RIT2: variants seen among roughly 807,000 people sequenced by gnomAD.
RIT2 encodes the protein GTP-binding protein Rit2.
In RIT2, 24 loss-of-function variants were observed where a neutral mutation model predicts 23.7. That is an observed-to-expected ratio of 1.01 (90% confidence interval 0.73 to 1.43). RIT2 has a LOEUF of 1.43. RIT2 is among the 40% of genes most tolerant of loss of function. RIT2 has a pLI of 0.00. For missense variants in RIT2, 236 were observed against 266.9 expected (o/e 0.88, Z 0.81); for synonymous variants, 107 against 91.1 (o/e 1.17, Z -0.99).
chr18:42,796,314 G>A (rs945182529), intron 4 of RIT2, among the ~76,000 whole-genome samples: 4 of 151,994 alleles, frequency 2.6e-5, no homozygotes, highest in Non-Finnish European at 5.9e-5. Flanking sequence ...CTGAGCCAGC[G>A]AGACCACGAA....
chr18:43,023,489 T>A (rs1161536549), intron 2 of RIT2, among the ~76,000 whole-genome samples: 1 of 152,084 alleles, frequency 6.6e-6, no homozygotes, highest in African/African-American at 2.4e-5. Flanking sequence ...ATCAAAATAT[T>A]CATTTTGTCT....
intron 4 of RIT2, among the ~76,000 whole-genome samples, chr18:42,870,414 T>C (rs1366906831): frequency 6.6e-6 from 1 of 152,106 alleles, no homozygotes; most frequent in Non-Finnish European, 1.5e-5. Flanking sequence ...CTAATTTTTG[T>C]ATTTTTAGTA....
chr18:43,044,327 T>C (rs1464362599), intron 1 of RIT2, among the ~76,000 whole-genome samples: 1 of 152,188 alleles, frequency 6.6e-6, no homozygotes, highest in Non-Finnish European at 1.5e-5. Context: ...ATGAAAGAAG[T>C]TCTCCTCTGT....
chr18:43,011,437 G>T (rs1291249065), intron 2 of RIT2, among the ~76,000 whole-genome samples: 1 of 151,696 alleles, frequency 6.6e-6, no homozygotes, highest in African/African-American at 2.4e-5. Context: ...TGGAGGGGAA[G>T]CTGTGCGATT....
At chr18:43,063,043 A>G (rs941266030) in intron 1 of RIT2, among the ~76,000 whole-genome samples, 5 of 152,118 alleles carry the variant, frequency 3.3e-5, no homozygotes, top group African/African-American at 1.2e-4. Context: ...ATTTTCCTTG[A>G]GGGTTATAAC....
chr18:43,068,086 A>G (rs1912811672), intron 1 of RIT2, among the ~76,000 whole-genome samples: 1 of 152,214 alleles, frequency 6.6e-6, no homozygotes, highest in Non-Finnish European at 1.5e-5. Flanking sequence ...ACCTGGAAAT[A>G]CAATTGTAAG....
chr18:43,029,485 T>C (rs1911805352), intron 2 of RIT2, among the ~76,000 whole-genome samples: 1 of 151,998 alleles, frequency 6.6e-6, no homozygotes, highest in East Asian at 1.9e-4. Context: ...AAACAATGGA[T>C]AGGTCCTTAA....
chr18:43,037,633 AT>A lies in RIT2; in HGVS notation c.104-3767del, dbSNP rs199520669. On this transcript the variant is annotated intron_variant, in intron 1 of 4. Transcript: ENST00000326695. ...TATAATAAATCTTCATCAATTACCT[AT>A]TTTTTTTCAAAGCTTTACCAATCTT... 8.9e-3 allele frequency among the ~76,000 whole-genome samples: 1,348 copies of A among 151,746 alleles called. 16 individuals carry two copies. The highest frequency in any genetic ancestry group is 0.031 in the African/African-American group (1,271 of 41,374).
chr18:42,994,524 T>C (rs1226016253), intron 2 of RIT2, among the ~76,000 whole-genome samples: 1 of 152,038 alleles, frequency 6.6e-6, no homozygotes, highest in African/African-American at 2.4e-5. Context: ...CCTAAATCCT[T>C]TCCCCACTCC....
At chr18:42,929,141 C>T (rs1048531059) in intron 3 of RIT2, among the ~76,000 whole-genome samples, 2 of 149,002 alleles carry the variant, frequency 1.3e-5, no homozygotes, top group East Asian at 2.0e-4. Context: ...TGACTCTGAA[C>T]GTTTAAACAA....
chr18:43,037,521 T>C (rs71352059), intron 1 of RIT2, among the ~76,000 whole-genome samples: 1 of 152,140 alleles, frequency 6.6e-6, no homozygotes. Context: ...ATTTAAAATT[T>C]GTTTTATTTT....
chr18:43,104,291 G>A (rs1370237877), intron 1 of RIT2, among the ~76,000 whole-genome samples: 1 of 152,186 alleles, frequency 6.6e-6, no homozygotes, highest in African/African-American at 2.4e-5. Context: ...GGGAGGGTAG[G>A]ATGGGGAGAG....
chr18:43,018,469 A>G (rs150115812), intron 2 of RIT2, among the ~76,000 whole-genome samples: 2 of 152,194 alleles, frequency 1.3e-5, no homozygotes, highest in African/African-American at 4.8e-5. Context: ...CATTAAAACA[A>G]GTTAAATTAA....
chr18:42,885,349 G>T (rs973715717), intron 4 of RIT2, among the ~76,000 whole-genome samples: 1 of 152,196 alleles, frequency 6.6e-6, no homozygotes, highest in African/African-American at 2.4e-5. Context: ...ACTTTGGGAG[G>T]CCAAGGTGGG....
chr18:42,976,036 T>C lies in RIT2; in HGVS notation c.161-1889A>G, dbSNP rs58682086. On this transcript the variant is annotated intron_variant, in intron 2 of 4. Coordinates refer to ENST00000326695, the MANE Select transcript of RIT2 (RefSeq NM_002930.4). ...CCTTGAGATTTCTTCTTGAACTCAT[T>C]GGTAGTTTGAGAATTGGTTGTTTAA... Among the ~76,000 whole-genome samples, 82 of 152,234 alleles carry C rather than the reference T, an allele frequency of 5.4e-4. 1 individual carries two copies. The East Asian group carries it at 0.015, about 28-fold the overall frequency.
At chr18:42,903,660 A>T (rs999017115) in intron 4 of RIT2, among the ~76,000 whole-genome samples, 17 of 152,100 alleles carry the variant, frequency 1.1e-4, no homozygotes, top group African/African-American at 3.6e-4. Context: ...CCCCACAAAA[A>T]GGATGATAAA....
At chr18:42,868,937 C>A (rs540945482) in intron 4 of RIT2, among the ~76,000 whole-genome samples, 16 of 152,202 alleles carry the variant, frequency 1.1e-4, no homozygotes, top group African/African-American at 3.6e-4. Flanking sequence ...GCTTGAATAC[C>A]TTGAATTAAG....
At chr18:42,756,931 A>G (rs1018899324) in intron 4 of RIT2, among the ~76,000 whole-genome samples, 5 of 152,084 alleles carry the variant, frequency 3.3e-5, no homozygotes, top group Non-Finnish European at 5.9e-5. Flanking sequence ...AACACATAAA[A>G]CAATTATAAT....
intron 4 of RIT2, among the ~76,000 whole-genome samples, chr18:42,854,482 G>T (rs1907132988): frequency 6.6e-6 from 1 of 152,064 alleles, no homozygotes; most frequent in Non-Finnish European, 1.5e-5. Context: ...TGTGTGGGGA[G>T]GTTTTAAGCC....
Sources: gnomAD v4.1 joint callset for allele counts (sites outside exome capture counted in the v4.1 genomes callset) on GRCh38, gnomAD v4.1.1 for gene constraint, MANE v1.5 for transcripts, NCBI Gene and HGNC (gene_info 2026-07-23, HGNC 2026-07-21) for gene names.